Variants in SCHIP1 observed in about 807,000 individuals in gnomAD.
SCHIP1 encodes the protein schwannomin-interacting protein 1.
Under a neutral mutation model 29.7 loss-of-function variants are expected in SCHIP1, and 8 were observed. That is an observed-to-expected ratio of 0.27 (90% CI 0.16 to 0.49). The LOEUF is 0.49. Ranked by LOEUF, SCHIP1 falls within the 20% of genes least tolerant of loss-of-function variation. The pLI, the probability that SCHIP1 is intolerant of heterozygous loss-of-function variation, is 0.99. For missense variants in SCHIP1, 193 were observed against 294.6 expected (o/e 0.66, Z 2.52); for synonymous variants, 76 against 94.9 (o/e 0.80, Z 1.16).
chr3:159,419,168 T>G, the SCHIP1 span, among the ~76,000 whole-genome samples: 1 of 152,208 alleles, frequency 6.6e-6, no homozygotes, highest in Non-Finnish European at 1.5e-5. Context: ...AGGCTCACAG[T>G]GCATCCTCCT....
At chr3:159,764,431 T>C in the SCHIP1 span, 1 of 1,574,004 alleles carries the variant, frequency 6.4e-7, no homozygotes, top group Non-Finnish European at 8.6e-7. The surrounding 1 kb of genome is among the most constrained non-coding windows in gnomAD (Gnocchi z 6.1). Context: ...ACTCTCTACC[T>C]CCTCCCCCTA....
chr3:159,629,893 G>A, the SCHIP1 span, among the ~76,000 whole-genome samples: 1 of 152,178 alleles, frequency 6.6e-6, no homozygotes, highest in East Asian at 1.9e-4. Flanking sequence ...AGCCCAGGAG[G>A]GAGGACAGAC....
At chr3:159,795,102 G>A in the SCHIP1 span, among the ~76,000 whole-genome samples, 1 of 152,178 alleles carries the variant, frequency 6.6e-6, no homozygotes, top group Non-Finnish European at 1.5e-5. Flanking sequence ...GTACTATAGA[G>A]CTGCGATATA....
intron 2 of SCHIP1, among the ~76,000 whole-genome samples, chr3:159,871,934 C>T (rs551481433): frequency 1.3e-5 from 2 of 152,226 alleles, no homozygotes; most frequent in South Asian, 4.1e-4. Context: ...TGTGTTCGGT[C>T]CTACTTCACT....
the SCHIP1 span, among the ~76,000 whole-genome samples, chr3:159,288,001 A>T: frequency 6.6e-6 from 1 of 152,228 alleles, no homozygotes; most frequent in Non-Finnish European, 1.5e-5. Flanking sequence ...TGATAAAAGT[A>T]GGGAAAAGAT....
the SCHIP1 span, among the ~76,000 whole-genome samples, chr3:159,417,861 A>G: frequency 6.6e-6 from 1 of 152,184 alleles, no homozygotes; most frequent in Non-Finnish European, 1.5e-5. Flanking sequence ...AATTTGTCTC[A>G]GCTCGCCTGC....
intron 1 of SCHIP1, among the ~76,000 whole-genome samples, chr3:159,858,108 T>C (rs1265181817): frequency 6.6e-6 from 1 of 152,240 alleles, no homozygotes; most frequent in Non-Finnish European, 1.5e-5. Flanking sequence ...CTGTCAGTGA[T>C]ACTGAATGAC....
At chr3:159,702,380 C>T in the SCHIP1 span, among the ~76,000 whole-genome samples, 1 of 152,116 alleles carries the variant, frequency 6.6e-6, no homozygotes, top group Non-Finnish European at 1.5e-5. Context: ...TTTGACTAAA[C>T]CAAAGTAATC....
chr3:159,324,837 T>C, the SCHIP1 span, among the ~76,000 whole-genome samples: 5 of 152,278 alleles, frequency 3.3e-5, no homozygotes, highest in East Asian at 9.6e-4. Flanking sequence ...TCTTGAGATA[T>C]TCAACTATGA....
the SCHIP1 span, among the ~76,000 whole-genome samples, chr3:159,421,247 C>T: frequency 2.0e-5 from 3 of 152,106 alleles, no homozygotes; most frequent in Admixed American, 2.0e-4. Context: ...TCTTACCTAG[C>T]TGGAATGTAT....
the SCHIP1 span, among the ~76,000 whole-genome samples, chr3:159,668,768 C>A: frequency 2.0e-5 from 3 of 152,198 alleles, no homozygotes; most frequent in Non-Finnish European, 2.9e-5. Context: ...CCCTTCGACT[C>A]TTTCCTCTTT....
At chr3:159,401,164 T>A in the SCHIP1 span, 1 of 978,774 alleles carries the variant, frequency 1.0e-6, no homozygotes, top group Non-Finnish European at 1.2e-6. Flanking sequence ...TTCATTCTCC[T>A]ATCTCCATAC....
chr3:159,604,244 G>C, the SCHIP1 span, among the ~76,000 whole-genome samples: 2 of 152,178 alleles, frequency 1.3e-5, no homozygotes. Flanking sequence ...TTTCTGTGCT[G>C]TGTGCCTATC....
chr3:159,507,783 A>G, the SCHIP1 span, among the ~76,000 whole-genome samples: 2 of 152,148 alleles, frequency 1.3e-5, no homozygotes, highest in Non-Finnish European at 2.9e-5. Flanking sequence ...TGATTTTGGT[A>G]TGTTGAACCA....
chr3:159,789,238 A>G, the SCHIP1 span, among the ~76,000 whole-genome samples: 1 of 152,100 alleles, frequency 6.6e-6, no homozygotes, highest in Non-Finnish European at 1.5e-5. Flanking sequence ...TAATGTTGCA[A>G]TCTTGAGTCT....
At position 159,861,816 on chromosome 3, in the gene SCHIP1, C is replaced by A. The variant is rs138084319; in HGVS notation, c.31-4347C>A. 6.6e-6 allele frequency among the ~76,000 whole-genome samples: 1 copy of A among 152,166 alleles called. No individual in the cohort carries two copies. Among genetic ancestry groups the A allele is most frequent in the Non-Finnish European group, 1.5e-5 (1 of 68,032 alleles). On this transcript the variant is annotated intron_variant, in intron 1 of 6. Coordinates refer to ENST00000445224, the Ensembl canonical transcript of SCHIP1. This position sits in a 1 kb window ranked among gnomAD's most constrained non-coding sequence, Gnocchi z 4.1. ...ATGGTTCTGCCTGTCATAAGTGCAG[C>A]CAGACAGTGGTGTTTTGAGTCAGCC... is the stretch of plus-strand genomic sequence containing the variant.
chr3:159,871,142 C>A (rs1158062638), intron 2 of SCHIP1, among the ~76,000 whole-genome samples: 1 of 151,954 alleles, frequency 6.6e-6, no homozygotes, highest in Non-Finnish European at 1.5e-5. Flanking sequence ...TCCATCATGA[C>A]TTTTTCTGAG....
the SCHIP1 span, among the ~76,000 whole-genome samples, chr3:159,799,113 G>A: frequency 6.6e-6 from 1 of 152,152 alleles, no homozygotes; most frequent in African/African-American, 2.4e-5. Context: ...TGGTGTTCAA[G>A]AGGCTTTATT....
chr3:159,686,908 G>A, the SCHIP1 span, among the ~76,000 whole-genome samples: 2 of 152,076 alleles, frequency 1.3e-5, no homozygotes, highest in East Asian at 3.9e-4. Context: ...TGGTTTGGGA[G>A]GTCTTCTGTT....
Sources: gnomAD v4.1 joint callset for allele counts (sites outside exome capture counted in the v4.1 genomes callset) on GRCh38, gnomAD v4.1.1 for gene constraint, Gnocchi (gnomAD v3.1) non-coding constraint, MANE v1.5 for transcripts, NCBI Gene and HGNC (gene_info 2026-07-23, HGNC 2026-07-21) for gene names.